FGF14: variants seen among roughly 807,000 people sequenced by gnomAD.
FGF14 encodes fibroblast growth factor 14.
FGF14 carries 5 observed loss-of-function variants against 25.5 expected under a neutral mutation model. That is an observed-to-expected ratio of 0.20 (90% CI 0.10 to 0.41). The LOEUF (loss-of-function observed/expected upper bound fraction) is 0.41. Ranked by LOEUF, FGF14 falls within the 10% of genes least tolerant of loss-of-function variation. The probability of loss-of-function intolerance (pLI) is 1.00; values close to 1 mark genes in which losing one functional copy is unlikely to be tolerated. For missense variants in FGF14, 222 were observed against 320.1 expected, an observed-to-expected ratio of 0.69 and a Z score of 2.34; for synonymous variants, 138 against 118.3, an observed-to-expected ratio of 1.17 and a Z score of -1.08.
At chr13:102,366,130 T>C (rs146892077) in intron 1 of FGF14, among the ~76,000 whole-genome samples, 201 of 152,268 alleles carry the variant, frequency 1.3e-3, no homozygotes, top group African/African-American at 4.5e-3. Flanking sequence ...AAAACAGCGA[T>C]ATTAAGAGAA....
intron 1 of FGF14, among the ~76,000 whole-genome samples, chr13:102,083,336 A>G (rs2043728584): frequency 6.6e-6 from 1 of 151,820 alleles, no homozygotes; most frequent in African/African-American, 2.4e-5. Context: ...TTGAACTCTG[A>G]CCGTTTTTTT....
chr13:102,128,439 C>G (rs575716331), intron 1 of FGF14, among the ~76,000 whole-genome samples: 1 of 152,290 alleles, frequency 6.6e-6, no homozygotes, highest in East Asian at 1.9e-4. Context: ...TAACAGAAAG[C>G]TGAAGTTGAT....
intron 3 of FGF14, among the ~76,000 whole-genome samples, chr13:101,803,118 C>A (rs572387810): frequency 2.0e-5 from 3 of 147,104 alleles, no homozygotes; most frequent in Admixed American, 6.7e-5. Context: ...TAAGTGCTGT[C>A]ATTTTGAAAC....
At chr13:101,960,276 G>A (rs2036764685) in intron 1 of FGF14, among the ~76,000 whole-genome samples, 1 of 152,116 alleles carries the variant, frequency 6.6e-6, no homozygotes, top group African/African-American at 2.4e-5. Flanking sequence ...GTCCTATGGT[G>A]GTTTGCTGCA....
At chr13:102,105,512 C>T (rs1235877150) in intron 1 of FGF14, among the ~76,000 whole-genome samples, 5 of 152,048 alleles carry the variant, frequency 3.3e-5, no homozygotes, top group South Asian at 2.1e-4. Flanking sequence ...CATGGAAATT[C>T]GGAGGCATCT....
intron 1 of FGF14, among the ~76,000 whole-genome samples, chr13:102,183,045 C>T (rs1055014279): frequency 6.6e-6 from 1 of 152,090 alleles, no homozygotes; most frequent in Non-Finnish European, 1.5e-5. Flanking sequence ...CAAGCAAGCC[C>T]ACTCATCCCA....
chr13:101,983,484 C>A (rs1392324343), intron 1 of FGF14, among the ~76,000 whole-genome samples: 1 of 152,068 alleles, frequency 6.6e-6, no homozygotes, highest in Non-Finnish European at 1.5e-5. Context: ...AATAGGAATG[C>A]AATAAGTCAT....
At chr13:102,005,806 C>A (rs2039753082) in intron 1 of FGF14, among the ~76,000 whole-genome samples, 1 of 152,058 alleles carries the variant, frequency 6.6e-6, no homozygotes, top group South Asian at 2.1e-4. Flanking sequence ...AGAAATGGAC[C>A]AATTTTGATC....
At chr13:102,054,877 T>C (rs2042363639) in intron 1 of FGF14, among the ~76,000 whole-genome samples, 1 of 152,168 alleles carries the variant, frequency 6.6e-6, no homozygotes, top group African/African-American at 2.4e-5. Context: ...TCATAAGTAT[T>C]ATTGCCAAAG....
At chr13:102,041,127 G>A (rs1003535135) in intron 1 of FGF14, among the ~76,000 whole-genome samples, 4 of 151,054 alleles carry the variant, frequency 2.6e-5, no homozygotes, top group Non-Finnish European at 5.9e-5. Flanking sequence ...GTACCTATTT[G>A]CCAATCTGAA....
At chr13:101,790,296 C>T (rs1005791032) in intron 3 of FGF14, among the ~76,000 whole-genome samples, 4 of 151,910 alleles carry the variant, frequency 2.6e-5, no homozygotes, top group South Asian at 2.1e-4. Flanking sequence ...GAGTAACTGC[C>T]GTAAACATTT....
intron 3 of FGF14, among the ~76,000 whole-genome samples, chr13:101,798,651 T>A (rs1272344708): frequency 6.6e-6 from 1 of 152,170 alleles, no homozygotes; most frequent in Non-Finnish European, 1.5e-5. Context: ...AATAGGCTAA[T>A]ACAATTTTAA....
At chr13:102,032,133 A>G (rs1350870187) in intron 1 of FGF14, among the ~76,000 whole-genome samples, 1 of 152,146 alleles carries the variant, frequency 6.6e-6, no homozygotes, top group Non-Finnish European at 1.5e-5. Context: ...CATTCTCCTC[A>G]GACCAAACAG....
intron 1 of FGF14, among the ~76,000 whole-genome samples, chr13:101,985,783 T>C (rs1002583727): frequency 2.0e-5 from 3 of 152,152 alleles, no homozygotes; most frequent in Admixed American, 6.6e-5. Flanking sequence ...ATAAACTGAA[T>C]AAGCTGTGGG....
intron 1 of FGF14, among the ~76,000 whole-genome samples, chr13:102,073,783 A>T (rs767648432): frequency 6.6e-6 from 1 of 152,208 alleles, no homozygotes; most frequent in South Asian, 2.1e-4. Context: ...AAAACTCTGT[A>T]TTTATAGTTG....
At chr13:101,741,719 A>T (rs1243938347) in intron 3 of FGF14, among the ~76,000 whole-genome samples, 1 of 150,670 alleles carries the variant, frequency 6.6e-6, no homozygotes, top group Non-Finnish European at 1.5e-5. Context: ...TGGCACATTT[A>T]GCTTTCCAAA....
intron 1 of FGF14, among the ~76,000 whole-genome samples, chr13:101,909,061 C>A (rs2032593592): frequency 6.6e-6 from 1 of 152,160 alleles, no homozygotes; most frequent in African/African-American, 2.4e-5. Context: ...AAACTGGATC[C>A]CTTCCTTACA....
At chr13:101,796,042 C>G (rs187213357) in intron 3 of FGF14, among the ~76,000 whole-genome samples, 1 of 152,042 alleles carries the variant, frequency 6.6e-6, no homozygotes, top group East Asian at 1.9e-4. Flanking sequence ...TTATATATGT[C>G]CAAAGTATAT....
chr13:101,871,033 G>T (rs1454990461), intron 2 of FGF14, among the ~76,000 whole-genome samples: 1 of 152,060 alleles, frequency 6.6e-6, no homozygotes, highest in East Asian at 1.9e-4. Flanking sequence ...TTTACAGAAT[G>T]ATAGTGGAAA....
Sources: allele counts gnomAD v4.1 joint callset (sites outside exome capture counted in the v4.1 genomes callset), GRCh38; gene constraint gnomAD v4.1.1; transcripts MANE v1.5; gene names NCBI Gene and HGNC (gene_info 2026-07-23, HGNC 2026-07-21).